The following ADGRE5 variants were observed in gnomAD, a reference collection of about 807,000 sequenced individuals.
ADGRE5 encodes CD97 molecule.
Under a neutral mutation model 100.3 loss-of-function variants are expected in ADGRE5, and 72 were observed. The ratio of observed to expected loss-of-function variants is 0.72; its 90% CI spans 0.59 to 0.87. ADGRE5 has a LOEUF of 0.87. Ranked by LOEUF, ADGRE5 falls within the 40% of genes least tolerant of loss-of-function variation. ADGRE5 has a pLI of 0.00. For synonymous variants in ADGRE5, 439 were observed against 447.8 expected (o/e 0.98, Z 0.25); for missense variants, 959 against 1,094.7 (o/e 0.88, Z 1.75).
chr19:14,389,034 C>G (rs538182718), intron 3 of ADGRE5, among the ~76,000 whole-genome samples: 2 of 146,892 alleles, frequency 1.4e-5, no homozygotes, highest in Admixed American at 6.9e-5. Context: ...GCCAGGAGTA[C>G]TCAGAAGACT....
chr19:14,400,166 C>T (rs1454764506), intron 9 of ADGRE5, among the ~76,000 whole-genome samples: 3 of 152,070 alleles, frequency 2.0e-5, no homozygotes, highest in Non-Finnish European at 4.4e-5. Flanking sequence ...ACTACAGGCG[C>T]CCACCACCAC....
At position 14,407,235 on chromosome 19, in the gene ADGRE5, GGCCTGGGCACAGTGGCGCAC is replaced by G. The variant is rs529281017; in HGVS notation, c.2376+12_2376+31del. The G allele has an allele frequency of 7.6e-5, 123 of 1,613,784 alleles. 1 individual carries two copies. In the Middle Eastern group the frequency reaches 9.9e-4, roughly 13 times the overall value. ...ACTGCCTGCTCAACAAGAAGGTGGGGGCCTGGGCACAGTGGCGCACGCCTGTCATCCTCCCACCTATTTGG... is the reference window on the plus strand; with the variant it reads ...ACTGCCTGCTCAACAAGAAGGTGGGGGCCTGTCATCCTCCCACCTATTTGG... On this transcript the variant is annotated splice_region_variant and intron_variant, in intron 18 of 19. Coordinates refer to ENST00000242786, the MANE Select transcript of ADGRE5 (RefSeq NM_078481.4).
intron 3 of ADGRE5, among the ~76,000 whole-genome samples, chr19:14,389,666 G>A (rs914719353): frequency 1.3e-5 from 2 of 151,412 alleles, no homozygotes; most frequent in Non-Finnish European, 2.9e-5. Flanking sequence ...AACCTGGGAG[G>A]TGAATGTTGC....
chr19:14,406,767 G>GT lies in ADGRE5; in HGVS notation c.2115+2dup, dbSNP rs1228357070. 1.4e-5 allele frequency: 23 copies of GT among 1,613,878 alleles called. No homozygotes were observed. The highest frequency in any genetic ancestry group is 1.9e-5 in the Non-Finnish European group (23 of 1,179,976). ...GGGACCTGTGACCTTCATCATTTTG[G>GT]TAAGTACCCACTCTCCCTCCACCGA... On this transcript the variant is annotated splice_donor_variant, in intron 16 of 19. Transcript: ENST00000242786. LOFTEE classifies it high-confidence loss of function. The surrounding 1 kb of genome is among the most constrained non-coding windows in gnomAD (Gnocchi z 6.0).
intron 1 of ADGRE5, among the ~76,000 whole-genome samples, chr19:14,384,600 C>T (rs1383502355): frequency 2.0e-5 from 3 of 151,566 alleles, no homozygotes; most frequent in Non-Finnish European, 2.9e-5. Context: ...CCCCACCTGC[C>T]GCTCATATCC....
chr19:14,397,029 G>C (rs948213497), intron 5 of ADGRE5, 48 bp from the exon 6 acceptor site: 1 of 1,547,062 alleles, frequency 6.5e-7, no homozygotes, highest in Non-Finnish European at 8.7e-7. Context: ...TGGAGGGCAG[G>C]CCCAGGCTGG....
Position 14,401,745 on chromosome 19 carries a change from G to A in ADGRE5, c.1168G>A (p.Gly390Arg). ...GAAGCTGAATTGGGCTGTGGCAGCT[G>A]GAGCCGAGGATCCAGGTAGCAGCGG... ...RMKLNWAVAA[G>R]AEDPGPAVAG... Residue 390 changes from glycine (G) to arginine (R), a missense_variant, in exon 11 of 20, where the codon GGA (glycine) becomes AGA (arginine). Physicochemically the swap from Gly to Arg is moderately radical, Grantham distance 125 (BLOSUM62 -2). Around this residue, in one of 6 missense-constraint regions of ADGRE5, gnomAD observed 246 missense variants for 242.2 expected, o/e 1.02. Coordinates refer to ENST00000242786, the MANE Select transcript of ADGRE5 (RefSeq NM_078481.4). The surrounding 1 kb of genome is among the most constrained non-coding windows in gnomAD (Gnocchi z 4.1). 1 of 1,556,520 alleles carries A rather than the reference G, an allele frequency of 6.4e-7. No homozygotes were observed. Among genetic ancestry groups the A allele is most frequent in the Non-Finnish European group, 8.7e-7 (1 of 1,153,036 alleles).
intron 1 of ADGRE5, among the ~76,000 whole-genome samples, chr19:14,384,813 GTC>G (rs756272013): frequency 4.6e-5 from 7 of 150,704 alleles, no homozygotes; most frequent in African/African-American, 1.7e-4. Flanking sequence ...CTCTCTGTCT[GTC>G]TCTATCTCTC....
Position 14,406,173 on chromosome 19 carries a change from G to C in ADGRE5, c.1822-158G>C, listed in dbSNP as rs868105890. Among the ~76,000 whole-genome samples, 1 of 152,188 alleles carries C rather than the reference G, an allele frequency of 6.6e-6. No individual in the cohort carries two copies. Among genetic ancestry groups the C allele is most frequent in the Non-Finnish European group, 1.5e-5 (1 of 68,036 alleles). On this transcript the variant is annotated intron_variant, in intron 14 of 19. Coordinates refer to ENST00000242786, the MANE Select transcript of ADGRE5 (RefSeq NM_078481.4). The surrounding 1 kb of genome is among the most constrained non-coding windows in gnomAD (Gnocchi z 6.0). ...GCCCGCTCGCTTCTGAGCGTTGTTG[G>C]GGGTGGGCCCTGGGGGGAAACCTGG...
Position 14,405,897 on chromosome 19 carries a change from C to T in ADGRE5, c.1779C>T (p.Gly593=), listed in dbSNP as rs1188936932. 6.2e-7 allele frequency: 1 copy of T among 1,611,436 alleles called. No individual in the cohort carries two copies. The highest frequency in any genetic ancestry group is 2.2e-5 in the East Asian group (1 of 44,878). ...HLHLCICLFV[G]STIFLAGIEN... The stretch of plus-strand genomic sequence containing the variant: ...ACCTCTGCATCTGCCTCTTCGTGGG[C>T]TCCACCATCTTCCTGGCCGGCATCG... The change falls in exon 14 of 20, where the codon GGC becomes GGT. Residue 593 remains glycine (G), a synonymous_variant. Coordinates refer to ENST00000242786, the MANE Select transcript of ADGRE5 (RefSeq NM_078481.4).
intron 6 of ADGRE5, 107 bp downstream of exon 6, chr19:14,397,330 T>C: frequency 6.5e-7 from 1 of 1,549,426 alleles, no homozygotes; most frequent in Non-Finnish European, 8.8e-7. Flanking sequence ...CACCTGGCTG[T>C]GCCAGGCGTT....
chr19:14,405,153 T>C (rs1976174574), intron 13 of ADGRE5: 1 of 152,608 alleles, frequency 6.6e-6, no homozygotes, highest in Admixed American at 6.6e-5. Flanking sequence ...CCTCTTTTTT[T>C]TTTTCTTTTG....
At chr19:14,407,539 A>G (rs924895399) in intron 18 of ADGRE5, among the ~76,000 whole-genome samples, 3 of 151,590 alleles carry the variant, frequency 2.0e-5, no homozygotes, top group African/African-American at 7.3e-5. Context: ...AGTCCCAGCT[A>G]CTTGGGAGGC....
chr19:14,397,282 C>T (rs1276709236), intron 6 of ADGRE5, 59 bp downstream of exon 6: 19 of 1,610,184 alleles, frequency 1.2e-5, no homozygotes, highest in Middle Eastern at 3.3e-4. Flanking sequence ...ACATGTTCAA[C>T]GGCGCCCACA....
chr19:14,393,057 C>G (rs1975654693), intron 4 of ADGRE5, among the ~76,000 whole-genome samples: 1 of 152,010 alleles, frequency 6.6e-6, no homozygotes, highest in Non-Finnish European at 1.5e-5. Context: ...AGAAATTAGC[C>G]AGGCATGGTG....
intron 4 of ADGRE5, among the ~76,000 whole-genome samples, chr19:14,395,874 C>G (rs1192242990): frequency 6.6e-6 from 1 of 152,228 alleles, no homozygotes; most frequent in Non-Finnish European, 1.5e-5. Flanking sequence ...GCTGGGCTCT[C>G]AGAGCTAGTG....
At chr19:14,399,490 G>C (rs1975922006) in intron 9 of ADGRE5, among the ~76,000 whole-genome samples, 1 of 147,554 alleles carries the variant, frequency 6.8e-6, no homozygotes. Flanking sequence ...CGTGAACCCG[G>C]GAAGCGGAGC....
rs371030779 is a variant in ADGRE5 at position 14,381,467 on chromosome 19, G to A, written c.-57G>A. On this transcript the variant is annotated 5_prime_UTR_variant, in exon 1 of 20. Transcript: ENST00000242786. Reference sequence around the variant, plus strand: ...GCACAGCTGCCTAGCCTGTGGAGACGGGACAGCCCTGTCCCACTCACTCTT... The same window carrying A: ...GCACAGCTGCCTAGCCTGTGGAGACAGGACAGCCCTGTCCCACTCACTCTT... 475 of 1,603,342 alleles carry A rather than the reference G, an allele frequency of 3.0e-4. 2 individuals are homozygous for A. In the African/African-American group the frequency reaches 5.4e-3, roughly 18 times the overall value.
intron 1 of ADGRE5, among the ~76,000 whole-genome samples, chr19:14,387,564 T>C (rs1037301879): frequency 6.6e-6 from 1 of 151,198 alleles, no homozygotes; most frequent in African/African-American, 2.4e-5. Flanking sequence ...CCATCTCTAC[T>C]AAAAATACAA....
Sources: allele counts gnomAD v4.1 joint callset (sites outside exome capture counted in the v4.1 genomes callset), GRCh38; gene constraint gnomAD v4.1.1; regional missense constraint gnomAD v4.1.1; non-coding constraint Gnocchi (gnomAD v3.1); transcripts MANE v1.5; gene names NCBI Gene and HGNC (gene_info 2026-07-23, HGNC 2026-07-21).